The following PLCB4 variants were observed in gnomAD, a reference collection of about 807,000 sequenced individuals.
The protein encoded by PLCB4 is phospholipase C beta 4.
PLCB4 carries 77 observed loss-of-function variants against 178.8 expected under a neutral mutation model. That is an observed-to-expected ratio of 0.43 (90% confidence interval 0.36 to 0.52). PLCB4 has a LOEUF of 0.52. Ranked by LOEUF, PLCB4 falls within the 20% of genes least tolerant of loss-of-function variation. The pLI, the probability that PLCB4 is intolerant of heterozygous loss-of-function variation, is 0.00. For synonymous variants in PLCB4, 496 were observed against 490.8 expected (o/e 1.01, Z -0.14); for missense variants, 1,024 against 1,453.4 (o/e 0.70, Z 4.80).
chr20:9,366,550 C>G (rs1228299208), intron 9 of PLCB4, among the ~76,000 whole-genome samples: 1 of 152,196 alleles, frequency 6.6e-6, no homozygotes, highest in Non-Finnish European at 1.5e-5. Flanking sequence ...CTTCTCACTT[C>G]CTTCCAGGGG....
At chr20:9,078,955 A>G (rs2090013380) in intron 1 of PLCB4, among the ~76,000 whole-genome samples, 1 of 152,138 alleles carries the variant, frequency 6.6e-6, no homozygotes, top group South Asian at 2.1e-4. Flanking sequence ...TTTTAAGAAA[A>G]ATTCTGGTTT....
chr20:9,364,994 C>G (rs6086860), intron 8 of PLCB4, among the ~76,000 whole-genome samples: 27,677 of 152,124 alleles, frequency 0.18, 3,126 homozygotes, highest in African/African-American at 0.32. Context: ...AGGCTGGCTG[C>G]TGTCACCGTG....
intron 3 of PLCB4, among the ~76,000 whole-genome samples, chr20:9,286,896 C>A (rs1250031406): frequency 6.6e-6 from 1 of 152,002 alleles, no homozygotes; most frequent in East Asian, 1.9e-4. Context: ...CCTTCCTGGA[C>A]ACCTGGCTGT....
intron 14 of PLCB4, among the ~76,000 whole-genome samples, chr20:9,385,340 C>A (rs2037496895): frequency 6.6e-6 from 1 of 152,192 alleles, no homozygotes; most frequent in Non-Finnish European, 1.5e-5. Context: ...CTGTTGGGTA[C>A]ACTTCCCAGA....
chr20:9,433,498 G>T (rs991156487), intron 28 of PLCB4, among the ~76,000 whole-genome samples: 3 of 152,116 alleles, frequency 2.0e-5, no homozygotes, highest in African/African-American at 7.2e-5. Context: ...ATTTAGAGCT[G>T]CAGAGACAAG....
intron 3 of PLCB4, among the ~76,000 whole-genome samples, chr20:9,260,660 A>G (rs1469701224): frequency 2.6e-5 from 4 of 152,126 alleles, no homozygotes; most frequent in Non-Finnish European, 4.4e-5. Context: ...ATGCATATAT[A>G]ATAACTAGGA....
chr20:9,459,993 G>T (rs1245680511), intron 35 of PLCB4, among the ~76,000 whole-genome samples, 183 bp downstream of exon 35: 1 of 152,134 alleles, frequency 6.6e-6, no homozygotes, highest in East Asian at 1.9e-4. Context: ...GCACCCAGGG[G>T]CCAGGTGCAG....
intron 33 of PLCB4, among the ~76,000 whole-genome samples, chr20:9,455,755 A>G (rs890028997): frequency 3.9e-5 from 6 of 152,238 alleles, no homozygotes; most frequent in Non-Finnish European, 5.9e-5. Context: ...CAATACATTA[A>G]AAGTTACTTC....
At chr20:9,073,732 TA>T (rs1163706034) in intron 1 of PLCB4, among the ~76,000 whole-genome samples, 1 of 151,602 alleles carries the variant, frequency 6.6e-6, no homozygotes, top group Non-Finnish European at 1.5e-5. Context: ...AAAATACCAA[TA>T]AAAAAATTAG....
At chr20:9,401,439 C>A in intron 19 of PLCB4, 51 bp from the exon 20 acceptor site, 1 of 1,222,766 alleles carries the variant, frequency 8.2e-7, no homozygotes, top group Non-Finnish European at 1.2e-6. Context: ...CAAGGTCTGA[C>A]TACTTGGCAG....
At chr20:9,288,113 A>T (rs1243748551) in intron 3 of PLCB4, among the ~76,000 whole-genome samples, 2 of 152,092 alleles carry the variant, frequency 1.3e-5, no homozygotes, top group African/African-American at 2.4e-5. Flanking sequence ...AATCCCTAGG[A>T]TTATCTTTTA....
intron 2 of PLCB4, among the ~76,000 whole-genome samples, chr20:9,134,373 T>C (rs961335440): frequency 1.3e-5 from 2 of 152,200 alleles, no homozygotes; most frequent in African/African-American, 4.8e-5. Flanking sequence ...AAATTAGTAC[T>C]TCTAACTTCA....
In PLCB4 at chr20:9,241,377, G is replaced by A. The variant is rs116105491; in HGVS notation, c.-16+23925G>A. Among the ~76,000 whole-genome samples, 1,066 of 137,960 alleles carry A rather than the reference G, an allele frequency of 7.7e-3. 16 individuals are homozygous for A. The highest frequency in any genetic ancestry group is 0.03 in the African/African-American group (1,026 of 33,736). 90.5% of individuals were successfully genotyped at this position (137,960 alleles called of 152,430 possible). A position where few individuals can be genotyped will look rare whatever the true frequency, so the allele number is the denominator to read the frequency against. On this transcript the variant is annotated intron_variant, in intron 3 of 39. Coordinates refer to ENST00000378473, the MANE Select transcript of PLCB4 (RefSeq NM_001377142.1). Reference sequence around the variant, plus strand: ...CTGATGGCAAAATGGTAACAACAGAGGCATGCATGCATACACACACACACA... The same window carrying A: ...CTGATGGCAAAATGGTAACAACAGAAGCATGCATGCATACACACACACACA...
At chr20:9,124,150 T>C (rs1040209693) in intron 2 of PLCB4, among the ~76,000 whole-genome samples, 2 of 152,194 alleles carry the variant, frequency 1.3e-5, no homozygotes, top group African/African-American at 4.8e-5. Flanking sequence ...TGGCCTGATG[T>C]GGCCCATAGG....
chr20:9,201,805 C>T (rs2093550504), intron 2 of PLCB4, among the ~76,000 whole-genome samples: 1 of 152,152 alleles, frequency 6.6e-6, no homozygotes, highest in African/African-American at 2.4e-5. Context: ...AATGGTGCCA[C>T]CACTTTGAAA....
At chr20:9,261,030 A>G (rs931375548) in intron 3 of PLCB4, among the ~76,000 whole-genome samples, 8 of 152,116 alleles carry the variant, frequency 5.3e-5, no homozygotes, top group African/African-American at 1.9e-4. Context: ...TCAAAGCAAT[A>G]CTAAAATTGA....
At chr20:9,431,786 A>T (rs1161382374) in intron 28 of PLCB4, among the ~76,000 whole-genome samples, 1 of 152,098 alleles carries the variant, frequency 6.6e-6, no homozygotes, top group Non-Finnish European at 1.5e-5. Context: ...CTGGGATTAC[A>T]GGCATGAGCC....
intron 2 of PLCB4, among the ~76,000 whole-genome samples, chr20:9,182,161 AT>A (rs1175329577): frequency 6.6e-6 from 1 of 152,218 alleles, no homozygotes; most frequent in Non-Finnish European, 1.5e-5. Context: ...AGCAATAAGA[AT>A]TACCTTGTTG....
At chr20:9,267,847 A>C (rs2147597850) in intron 3 of PLCB4, among the ~76,000 whole-genome samples, 1 of 152,278 alleles carries the variant, frequency 6.6e-6, no homozygotes, top group South Asian at 2.1e-4. Context: ...GTAATGGGTT[A>C]GCATGGGAGT....
Sources: allele counts gnomAD v4.1 joint callset (sites outside exome capture counted in the v4.1 genomes callset), GRCh38; gene constraint gnomAD v4.1.1; transcripts MANE v1.5; gene names NCBI Gene and HGNC (gene_info 2026-07-23, HGNC 2026-07-21).